Variants in ELOVL7 observed in about 807,000 individuals in gnomAD.
The protein encoded by ELOVL7 is very long chain fatty acid elongase 7.
In ELOVL7, 27 loss-of-function variants were observed where a neutral mutation model predicts 35.7. That is an observed-to-expected ratio of 0.76 (90% CI 0.56 to 1.04). ELOVL7 has a LOEUF of 1.04. Ranked by LOEUF, ELOVL7 falls within the 50% of genes least tolerant of loss-of-function variation. ELOVL7 has a pLI of 0.00. For missense variants in ELOVL7, 327 were observed against 340.8 expected, an observed-to-expected ratio of 0.96 and a Z score of 0.32; for synonymous variants, 113 against 114.6, an observed-to-expected ratio of 0.99 and a Z score of 0.09.
At chr5:60,768,740 A>C in intron 4 of ELOVL7, 2 of 454,988 alleles carry the variant, frequency 4.4e-6, no homozygotes, top group Middle Eastern at 6.5e-4. Context: ...ACATATATGA[A>C]ATTGTTGGCT....
At chr5:60,757,762 A>G in intron 7 of ELOVL7, 117 bp from the exon 8 acceptor site, 1 of 821,626 alleles carries the variant, frequency 1.2e-6, no homozygotes, top group South Asian at 3.0e-5. Flanking sequence ...AATATATAAA[A>G]TATCAATCCT....
At chr5:60,778,701 C>T (rs905352626) in intron 3 of ELOVL7, among the ~76,000 whole-genome samples, 1 of 152,136 alleles carries the variant, frequency 6.6e-6, no homozygotes, top group African/African-American at 2.4e-5. Context: ...TACAGTCAAA[C>T]CATATCATTC....
intron 1 of ELOVL7, among the ~76,000 whole-genome samples, chr5:60,826,672 A>T (rs189939878): frequency 6.6e-6 from 1 of 152,122 alleles, no homozygotes; most frequent in Non-Finnish European, 1.5e-5. Context: ...ACTCATTCTA[A>T]TTTGTTTTCC....
chr5:60,781,589 G>A lies in ELOVL7; in HGVS notation c.64+5745C>T, dbSNP rs569466835. 4.6e-5 allele frequency among the ~76,000 whole-genome samples: 7 copies of A among 152,194 alleles called. No homozygotes were observed. The South Asian group carries it at 6.2e-4, about 14-fold the overall frequency. ...ATTTTAAAATAAATAATTTTTTCCCGTAATTTAATATTTTCAGCACACACC... is the reference window on the plus strand; with the variant it reads ...ATTTTAAAATAAATAATTTTTTCCCATAATTTAATATTTTCAGCACACACC... On this transcript the variant is annotated intron_variant, in intron 3 of 8. Transcript: ENST00000508821.
In ELOVL7 at chr5:60,752,246, T is replaced by C. The variant is rs1741318101; in HGVS notation, c.*2378A>G. On this transcript the variant is annotated 3_prime_UTR_variant, in exon 9 of 9. Transcript: ENST00000508821. ...ATCATGTTGATGTTTCTATGGAGGA[T>C]ACTTCTAGCAGCTGTGATTTCTTTT... 6.6e-6 allele frequency: 1 copy of C among 152,580 alleles called. No homozygotes were observed. The highest frequency in any genetic ancestry group is 2.4e-5 in the African/African-American group (1 of 41,458). The allele number at this position is 152,580 out of a possible 1,614,324, so 9.5% of individuals were successfully genotyped here. A position where few individuals can be genotyped will look rare whatever the true frequency, so the allele number is the denominator to read the frequency against.
chr5:60,802,037 A>G (rs1214095766), intron 1 of ELOVL7, among the ~76,000 whole-genome samples: 1 of 124,200 alleles, frequency 8.1e-6, no homozygotes, highest in Non-Finnish European at 1.7e-5. Context: ...TTGCCCTGTG[A>G]GCCAATTCTC....
At chr5:60,826,394 T>C (rs1278837634) in intron 1 of ELOVL7, among the ~76,000 whole-genome samples, 2 of 152,080 alleles carry the variant, frequency 1.3e-5, no homozygotes, top group East Asian at 1.9e-4. Context: ...CTGTAAAACA[T>C]TTTTTTAAAG....
At chr5:60,843,104 A>C (rs1033549203) in intron 1 of ELOVL7, among the ~76,000 whole-genome samples, 2 of 152,208 alleles carry the variant, frequency 1.3e-5, no homozygotes, top group Non-Finnish European at 1.5e-5. Flanking sequence ...GGGTAATCCG[A>C]GAGCACAGGG....
intron 2 of ELOVL7, among the ~76,000 whole-genome samples, chr5:60,793,690 A>G (rs770842890): frequency 3.0e-4 from 45 of 152,184 alleles, no homozygotes; most frequent in Admixed American, 1.2e-3. Flanking sequence ...GAGGACTCTC[A>G]GAGGACTTGT....
chr5:60,829,824 T>C (rs1221225909), intron 1 of ELOVL7, among the ~76,000 whole-genome samples: 1 of 152,222 alleles, frequency 6.6e-6, no homozygotes, highest in Non-Finnish European at 1.5e-5. Context: ...CATTTTACAT[T>C]TGGCTTAGGC....
intron 7 of ELOVL7, among the ~76,000 whole-genome samples, chr5:60,760,958 A>G (rs1741874360): frequency 6.6e-6 from 1 of 152,166 alleles, no homozygotes; most frequent in Non-Finnish European, 1.5e-5. Flanking sequence ...AGTAAGGTTT[A>G]CTGATCAAAA....
At chr5:60,802,077 T>C (rs865985468) in intron 1 of ELOVL7, among the ~76,000 whole-genome samples, 2 of 10,604 alleles carry the variant, frequency 1.9e-4, no homozygotes, top group Non-Finnish European at 3.4e-4. Context: ...TATATATATA[T>C]ATATATATAT....
At chr5:60,828,896 T>C (rs1280236160) in intron 1 of ELOVL7, among the ~76,000 whole-genome samples, 4 of 152,210 alleles carry the variant, frequency 2.6e-5, no homozygotes, top group Admixed American at 6.5e-5. Context: ...AATGTTCAGA[T>C]TGATTGGCTA....
chr5:60,757,324 G>A (rs1741598824), intron 8 of ELOVL7, among the ~76,000 whole-genome samples, 185 bp downstream of exon 8: 1 of 152,062 alleles, frequency 6.6e-6, no homozygotes, highest in East Asian at 1.9e-4. Flanking sequence ...TTAACTGTCT[G>A]AGCCTCTTGG....
chr5:60,772,963 C>T (rs1185504833), intron 3 of ELOVL7, among the ~76,000 whole-genome samples: 2 of 152,140 alleles, frequency 1.3e-5, no homozygotes, highest in African/African-American at 4.8e-5. Context: ...GCTGAACATC[C>T]TCTAAGTAGC....
intron 1 of ELOVL7, among the ~76,000 whole-genome samples, chr5:60,823,415 G>A (rs1389015800): frequency 6.6e-6 from 1 of 152,144 alleles, no homozygotes; most frequent in East Asian, 1.9e-4. Context: ...TGGATGCAGG[G>A]ATAGACCATA....
chr5:60,827,707 A>G (rs1349709793), intron 1 of ELOVL7, among the ~76,000 whole-genome samples: 1 of 152,224 alleles, frequency 6.6e-6, no homozygotes, highest in African/African-American at 2.4e-5. Flanking sequence ...CTCAAATTCT[A>G]CAAATGAGCA....
intron 3 of ELOVL7, among the ~76,000 whole-genome samples, chr5:60,785,154 C>T (rs1455128947): frequency 6.6e-6 from 1 of 152,142 alleles, no homozygotes; most frequent in Non-Finnish European, 1.5e-5. Context: ...TCCTCTCTCC[C>T]CTCCCAAGTC....
rs1411902618 is a variant in ELOVL7, at chr5:60,753,961, G to T, written c.*663C>A. The T allele has an allele frequency of 6.6e-6, 1 of 152,218 alleles. No homozygotes were observed. The highest frequency in any genetic ancestry group is 1.5e-5 in the Non-Finnish European group (1 of 68,090). 9.4% of individuals were successfully genotyped at this position (152,218 alleles called of 1,614,324 possible). On this transcript the variant is annotated 3_prime_UTR_variant, in exon 9 of 9. Transcript: ENST00000508821. ...TGGTATCAAGTGTACTAACCCAAAG[G>T]ATTGCTACTTTGAAACAGTTTGTAC...
Sources: gnomAD v4.1 joint callset for allele counts (sites outside exome capture counted in the v4.1 genomes callset) on GRCh38, gnomAD v4.1.1 for gene constraint, MANE v1.5 for transcripts, NCBI Gene and HGNC (gene_info 2026-07-23, HGNC 2026-07-21) for gene names.